DPP10: variants seen among roughly 807,000 people sequenced by gnomAD.
DPP10 encodes dipeptidyl peptidase like 10.
In DPP10, 33 loss-of-function variants were observed where a neutral mutation model predicts 120.9. The ratio of observed to expected loss-of-function variants is 0.27; its 90% confidence interval spans 0.21 to 0.37. The LOEUF (loss-of-function observed/expected upper bound fraction) is 0.37, where lower values mean the gene tolerates loss of function less well. Among genes scored for constraint, DPP10 ranks in the 10% least tolerant of loss-of-function variants. The pLI, the probability that DPP10 is intolerant of heterozygous loss-of-function variation, is 1.00. For missense variants in DPP10, 816 were observed against 942.8 expected (o/e 0.87, Z 1.76); for synonymous variants, 337 against 326.1 (o/e 1.03, Z -0.36).
chr2:114,967,550 G>A (rs1222924982), intron 1 of DPP10, among the ~76,000 whole-genome samples: 1 of 152,172 alleles, frequency 6.6e-6, no homozygotes, highest in African/African-American at 2.4e-5. Context: ...GGCAGGGAAA[G>A]TATATGTGAG....
intron 11 of DPP10, among the ~76,000 whole-genome samples, chr2:115,760,568 G>A (rs1679987507): frequency 1.3e-5 from 2 of 152,114 alleles, no homozygotes; most frequent in African/African-American, 4.8e-5. Flanking sequence ...TTATTTAAAT[G>A]GTCTGTGAAG....
chr2:115,256,678 A>G (rs2059015521), intron 1 of DPP10, among the ~76,000 whole-genome samples: 3 of 152,162 alleles, frequency 2.0e-5, no homozygotes, highest in Admixed American at 1.3e-4. Flanking sequence ...GCACCTGGCT[A>G]TTTTTGAGTC....
intron 3 of DPP10, among the ~76,000 whole-genome samples, chr2:115,434,576 TTTTGGA>T (rs1383217250): frequency 7.9e-5 from 12 of 151,324 alleles, no homozygotes; most frequent in Admixed American, 2.7e-4. Context: ...GTGGTACATA[TTTTGGA>T]GGTACGTGTG....
intron 21 of DPP10, among the ~76,000 whole-genome samples, chr2:115,834,015 C>G (rs755486845): frequency 6.6e-6 from 1 of 152,104 alleles, no homozygotes; most frequent in Non-Finnish European, 1.5e-5. Context: ...TGGCCTAAGA[C>G]TGTCTCTCTC....
chr2:115,243,151 A>C (rs1268573528), intron 1 of DPP10, among the ~76,000 whole-genome samples: 1 of 152,260 alleles, frequency 6.6e-6, no homozygotes, highest in Non-Finnish European at 1.5e-5. Flanking sequence ...ATAACATGGA[A>C]TATCACCTTG....
intron 1 of DPP10, among the ~76,000 whole-genome samples, chr2:114,468,041 T>C (rs1167202726): frequency 6.6e-6 from 1 of 152,052 alleles, no homozygotes; most frequent in Non-Finnish European, 1.5e-5. Flanking sequence ...ATAATGGTAA[T>C]AGTAATAAAA....
chr2:115,384,707 A>G (rs898007611), intron 3 of DPP10, among the ~76,000 whole-genome samples: 1,638 of 148,546 alleles, frequency 0.011, 23 homozygotes, highest in African/African-American at 0.039. Flanking sequence ...AAGAAAGAAG[A>G]AAGAAGAAGA....
At chr2:115,594,710 T>C (rs1246413427) in intron 5 of DPP10, among the ~76,000 whole-genome samples, 1 of 152,160 alleles carries the variant, frequency 6.6e-6, no homozygotes, top group African/African-American at 2.4e-5. Context: ...CTCTAGCTGA[T>C]GATAAACCAC....
intron 3 of DPP10, among the ~76,000 whole-genome samples, chr2:115,405,248 A>AGGCTG (rs2068421361): frequency 6.6e-6 from 1 of 152,224 alleles, no homozygotes; most frequent in African/African-American, 2.4e-5. Context: ...GCAAAAAGAA[A>AGGCTG]AATCAGCCCA....
At chr2:115,130,558 CTTT>C (rs1223389027) in intron 1 of DPP10, among the ~76,000 whole-genome samples, 6 of 128,252 alleles carry the variant, frequency 4.7e-5, no homozygotes, top group African/African-American at 2.8e-4. Flanking sequence ...CTTCAGCTTT[CTTT>C]TTTTAATCTC....
intron 1 of DPP10, among the ~76,000 whole-genome samples, chr2:114,932,862 T>A (rs534921866): frequency 6.6e-6 from 1 of 152,226 alleles, no homozygotes; most frequent in East Asian, 1.9e-4. Context: ...CCTAAAAGAA[T>A]AAAAAAGTAT....
intron 3 of DPP10, among the ~76,000 whole-genome samples, chr2:115,364,703 G>A (rs7571103): frequency 0.8 from 119,775 of 150,574 alleles, 47,754 homozygotes; most frequent in Non-Finnish European, 0.83. Flanking sequence ...TTCCTAAACC[G>A]AATTTTCTCA....
chr2:115,212,814 G>A (rs967118528), intron 1 of DPP10, among the ~76,000 whole-genome samples: 2 of 152,008 alleles, frequency 1.3e-5, no homozygotes, highest in East Asian at 1.9e-4. Context: ...TCTTAAAGTA[G>A]CCTGGTTATG....
chr2:115,474,173 A>G (rs1297390136), intron 3 of DPP10, among the ~76,000 whole-genome samples: 1 of 10,718 alleles, frequency 9.3e-5, no homozygotes, highest in Non-Finnish European at 9.3e-4. Flanking sequence ...GAATGTTCAT[A>G]ATCACAAAGG....
Position 115,513,864 on chromosome 2 carries a change from C to T in DPP10, c.367-12034C>T, listed in dbSNP as rs2077362104. Among the ~76,000 whole-genome samples, 3 of 152,008 alleles carry T rather than the reference C, an allele frequency of 2.0e-5. No individual in the cohort carries two copies. The East Asian group carries it at 5.8e-4, about 29-fold the overall frequency. On this transcript the variant is annotated intron_variant, in intron 4 of 25. Coordinates refer to ENST00000410059, the MANE Select transcript of DPP10 (RefSeq NM_020868.6). Reference sequence around the variant, plus strand: ...ATACTTTTACTAGGTCATTTTGTGTCTTCATGTGGTTTCAAGTGACTATTT... The same window carrying T: ...ATACTTTTACTAGGTCATTTTGTGTTTTCATGTGGTTTCAAGTGACTATTT...
At chr2:114,778,293 T>C (rs938718373) in intron 1 of DPP10, among the ~76,000 whole-genome samples, 2 of 152,104 alleles carry the variant, frequency 1.3e-5, no homozygotes, top group African/African-American at 4.8e-5. Flanking sequence ...TGCAAAACAT[T>C]TGGCTTATTA....
intron 1 of DPP10, among the ~76,000 whole-genome samples, chr2:115,130,742 C>A (rs2050312742): frequency 1.3e-5 from 2 of 152,266 alleles, no homozygotes; most frequent in Admixed American, 1.3e-4. Context: ...TTCTCCCCAC[C>A]TCTTCCATTC....
At position 115,178,446 on chromosome 2, in the gene DPP10, C is replaced by G. The variant is rs571954256; in HGVS notation, c.61-130793C>G. ...AACAAACTAACTTGCACACAGTGTT[C>G]TAATGAGCATTATTACTACCACGAC... On this transcript the variant is annotated intron_variant, in intron 1 of 25. Coordinates refer to ENST00000410059, the MANE Select transcript of DPP10 (RefSeq NM_020868.6). 2.0e-5 allele frequency among the ~76,000 whole-genome samples: 3 copies of G among 152,298 alleles called. No homozygotes were observed. The South Asian group carries it at 6.2e-4, about 32-fold the overall frequency.
At chr2:115,572,628 G>A (rs1335472283) in intron 5 of DPP10, among the ~76,000 whole-genome samples, 1 of 152,076 alleles carries the variant, frequency 6.6e-6, no homozygotes, top group African/African-American at 2.4e-5. Flanking sequence ...CAGAATAAAG[G>A]TCATCTGATC....
Sources: allele counts gnomAD v4.1 joint callset (sites outside exome capture counted in the v4.1 genomes callset), GRCh38; gene constraint gnomAD v4.1.1; transcripts MANE v1.5; gene names NCBI Gene and HGNC (gene_info 2026-07-23, HGNC 2026-07-21).